Variants in USP37 observed in about 807,000 individuals in gnomAD.
USP37 encodes the protein ubiquitin specific peptidase 37, also known as ubiquitin carboxyl-terminal hydrolase 37.
USP37 carries 27 observed loss-of-function variants against 124.0 expected under a neutral mutation model. The ratio of observed to expected loss-of-function variants is 0.22; its 90% CI spans 0.16 to 0.30. USP37 has a LOEUF of 0.30. Among genes scored for constraint, USP37 ranks in the 10% least tolerant of loss-of-function variants. The probability of loss-of-function intolerance (pLI) is 1.00; values close to 1 mark genes in which losing one functional copy is unlikely to be tolerated. For synonymous variants in USP37, 365 were observed against 388.0 expected, an observed-to-expected ratio of 0.94 and a Z score of 0.70; for missense variants, 889 against 1,140.4, an observed-to-expected ratio of 0.78 and a Z score of 3.17.
chr2:218,544,406 A>AAAAAAAAAT (rs1312705279), intron 8 of USP37, among the ~76,000 whole-genome samples: 2 of 82,992 alleles, frequency 2.4e-5, no homozygotes, highest in African/African-American at 1.4e-4. Flanking sequence ...AAAAAAAAAA[A>AAAAAAAAAT]ATATATATAT....
intron 25 of USP37, among the ~76,000 whole-genome samples, chr2:218,455,367 T>A (rs189596120): frequency 6.6e-6 from 1 of 152,274 alleles, no homozygotes; most frequent in East Asian, 1.9e-4. Context: ...TAGATACAAC[T>A]GTGTAATGAG....
intron 21 of USP37, among the ~76,000 whole-genome samples, chr2:218,465,586 A>G (rs1416424291): frequency 6.6e-6 from 1 of 152,154 alleles, no homozygotes; most frequent in African/African-American, 2.4e-5. Flanking sequence ...CTACCCACGT[A>G]CCTGTTTCAA....
At chr2:218,481,400 A>G (rs993297680) in intron 17 of USP37, among the ~76,000 whole-genome samples, 2 of 152,160 alleles carry the variant, frequency 1.3e-5, no homozygotes, top group Non-Finnish European at 2.9e-5. Context: ...ACCTACTGAA[A>G]CAGAACTTCC....
rs146789024 is a variant in USP37, at chr2:218,455,970, C to T, written c.2714-252G>A. ...CTGAGGCAGGAGGATTGTTTGAACC[C>T]AGGAGGTGGAGGTTGCAGTGAACCG... On this transcript the variant is annotated intron_variant, in intron 24 of 25. Coordinates refer to ENST00000258399, the MANE Select transcript of USP37 (RefSeq NM_020935.3). Among the ~76,000 whole-genome samples, 461 of 152,248 alleles carry T rather than the reference C, an allele frequency of 3.0e-3. No individual in the cohort carries two copies. The highest frequency in any genetic ancestry group is 9.8e-3 in the African/African-American group (407 of 41,534).
rs368910080 is a variant in USP37, at chr2:218,508,895, G to A, written c.1025+1084C>T. Among the ~76,000 whole-genome samples the A allele has an allele frequency of 3.9e-5, 6 of 152,298 alleles. No individual in the cohort carries two copies. In the East Asian group the frequency reaches 7.7e-4, roughly 20 times the overall value. On this transcript the variant is annotated intron_variant, in intron 11 of 25. Coordinates refer to ENST00000258399, the MANE Select transcript of USP37 (RefSeq NM_020935.3). ...ATTCAAGTAATGTTGTAAGTTTAAA[G>A]CTGGTATAAAAGCAGTACTTTGAGT...
intron 22 of USP37, among the ~76,000 whole-genome samples, chr2:218,462,722 T>C (rs1690079850): frequency 6.6e-6 from 1 of 152,034 alleles, no homozygotes. Flanking sequence ...AAACATATTG[T>C]TAGAGATATG....
intron 10 of USP37, among the ~76,000 whole-genome samples, chr2:218,525,258 A>G (rs1031561607): frequency 3.3e-5 from 5 of 152,166 alleles, no homozygotes; most frequent in African/African-American, 1.2e-4. Context: ...AGGCAGGCGA[A>G]TCACTTGAGC....
chr2:218,500,247 G>C (rs1374454260), intron 11 of USP37, among the ~76,000 whole-genome samples: 1 of 151,028 alleles, frequency 6.6e-6, no homozygotes, highest in African/African-American at 2.4e-5. Flanking sequence ...GCTAATGTTT[G>C]TATTCATTTA....
chr2:218,536,834 G>T (rs1691674126), intron 8 of USP37, among the ~76,000 whole-genome samples: 1 of 152,140 alleles, frequency 6.6e-6, no homozygotes, highest in Non-Finnish European at 1.5e-5. Flanking sequence ...GTTTGGCAAT[G>T]GCAACAGAAA....
chr2:218,513,173 G>C (rs1299249671), intron 10 of USP37, among the ~76,000 whole-genome samples: 1 of 151,878 alleles, frequency 6.6e-6, no homozygotes, highest in Non-Finnish European at 1.5e-5. Flanking sequence ...TGGGACTATA[G>C]GCGTGCACCA....
At chr2:218,558,706 A>T in intron 3 of USP37, 29 bp from the exon 4 acceptor site, 1 of 1,506,294 alleles carries the variant, frequency 6.6e-7, no homozygotes, top group Non-Finnish European at 9.0e-7. Flanking sequence ...ATATACCTTT[A>T]CCTGGCAGGT....
At chr2:218,479,526 G>T in intron 18 of USP37, 124 bp downstream of exon 18, 1 of 768,406 alleles carries the variant, frequency 1.3e-6, no homozygotes, top group Non-Finnish European at 2.2e-6. Context: ...AAAAGTATAG[G>T]TAATAAAGAG....
At chr2:218,563,852 G>A (rs1274597997) in intron 1 of USP37, among the ~76,000 whole-genome samples, 1 of 152,030 alleles carries the variant, frequency 6.6e-6, no homozygotes, top group African/African-American at 2.4e-5. Flanking sequence ...TCAGGAGTTC[G>A]AGACCAGCCT....
At chr2:218,467,541 G>T (rs1302986799) in intron 20 of USP37, among the ~76,000 whole-genome samples, 4 of 152,102 alleles carry the variant, frequency 2.6e-5, no homozygotes, top group Non-Finnish European at 1.5e-5. Context: ...TAGAGACGGG[G>T]TTTCACCATC....
chr2:218,546,594 T>C (rs1692336788), intron 7 of USP37, among the ~76,000 whole-genome samples: 1 of 152,170 alleles, frequency 6.6e-6, no homozygotes, highest in South Asian at 2.1e-4. Context: ...AATTTTTTTG[T>C]ATTTTTAGTA....
At chr2:218,536,483 C>T (rs1212503978) in intron 8 of USP37, among the ~76,000 whole-genome samples, 1 of 152,174 alleles carries the variant, frequency 6.6e-6, no homozygotes, top group African/African-American at 2.4e-5. Flanking sequence ...ACAAACAAGG[C>T]CGGGCGCTAC....
At chr2:218,470,277 C>A (rs1690603191) in intron 20 of USP37, among the ~76,000 whole-genome samples, 1 of 152,032 alleles carries the variant, frequency 6.6e-6, no homozygotes, top group African/African-American at 2.4e-5. Context: ...GTGACTTCTC[C>A]CTCTCATTCA....
At chr2:218,483,035 T>C (rs984537268) in intron 16 of USP37, among the ~76,000 whole-genome samples, 3 of 152,232 alleles carry the variant, frequency 2.0e-5, no homozygotes, top group African/African-American at 7.2e-5. Flanking sequence ...TTACCATATA[T>C]GCCTTCATCA....
At chr2:218,470,084 T>G (rs958269396) in intron 20 of USP37, among the ~76,000 whole-genome samples, 6 of 152,240 alleles carry the variant, frequency 3.9e-5, no homozygotes, top group African/African-American at 1.4e-4. Flanking sequence ...CCTCCCAAAG[T>G]GCTGGGATTA....
Sources: allele counts gnomAD v4.1 joint callset (sites outside exome capture counted in the v4.1 genomes callset), GRCh38; gene constraint gnomAD v4.1.1; transcripts MANE v1.5; gene names NCBI Gene and HGNC (gene_info 2026-07-23, HGNC 2026-07-21).